Variants in SMYD3 observed in about 807,000 individuals in gnomAD.
SMYD3 encodes SET and MYND domain containing 3.
SMYD3 carries 36 observed loss-of-function variants against 57.7 expected under a neutral mutation model. The observed-to-expected ratio is 0.62, with a 90% CI of 0.48 to 0.82. SMYD3 has a LOEUF of 0.82. SMYD3 is among the 40% of genes least tolerant of loss of function. SMYD3 has a pLI of 0.00. For synonymous variants in SMYD3, 211 were observed against 195.0 expected (o/e 1.08, Z -0.68); for missense variants, 515 against 538.8 (o/e 0.96, Z 0.44).
intron 5 of SMYD3, among the ~76,000 whole-genome samples, chr1:246,064,884 G>A (rs1291547095): frequency 3.3e-5 from 5 of 152,168 alleles, no homozygotes; most frequent in African/African-American, 1.2e-4. Context: ...AATATGTGGT[G>A]GTCTTCCTGT....
At chr1:246,060,551 GA>G (rs1425981898) in intron 5 of SMYD3, among the ~76,000 whole-genome samples, 1 of 151,524 alleles carries the variant, frequency 6.6e-6, no homozygotes, top group Non-Finnish European at 1.5e-5. Flanking sequence ...AGAAAAAGCA[GA>G]AAAGCAATAA....
At chr1:245,814,964 C>T (rs1474791132) in intron 10 of SMYD3, among the ~76,000 whole-genome samples, 1 of 152,144 alleles carries the variant, frequency 6.6e-6, no homozygotes, top group Non-Finnish European at 1.5e-5. Flanking sequence ...ACAAAGACAG[C>T]TGTCCATTGG....
At chr1:245,878,777 C>G (rs1355829210) in intron 8 of SMYD3, among the ~76,000 whole-genome samples, 1 of 152,158 alleles carries the variant, frequency 6.6e-6, no homozygotes, top group Non-Finnish European at 1.5e-5. Context: ...GGGGCCTGAA[C>G]TGCAGGAATA....
chr1:245,920,348 G>A (rs2055829107), intron 7 of SMYD3, among the ~76,000 whole-genome samples: 2 of 142,998 alleles, frequency 1.4e-5, no homozygotes, highest in South Asian at 2.2e-4. Flanking sequence ...AGATGACCAA[G>A]TTAAAATTAG....
intron 5 of SMYD3, among the ~76,000 whole-genome samples, chr1:246,320,476 G>T (rs1186234173): frequency 6.6e-6 from 1 of 152,164 alleles, no homozygotes; most frequent in Non-Finnish European, 1.5e-5. Flanking sequence ...ACATTATAAA[G>T]TTCAGCAGTA....
intron 8 of SMYD3, among the ~76,000 whole-genome samples, chr1:245,873,761 A>C (rs2052345917): frequency 6.6e-6 from 1 of 152,232 alleles, no homozygotes; most frequent in Non-Finnish European, 1.5e-5. Context: ...AGACATTCAG[A>C]CATGGGATGA....
intron 5 of SMYD3, among the ~76,000 whole-genome samples, chr1:246,255,178 G>GT (rs776723099): frequency 1.1e-3 from 160 of 152,188 alleles, no homozygotes; most frequent in Admixed American, 3.0e-3. Flanking sequence ...AATAGGAGTG[G>GT]TAAGAGTGGG....
intron 5 of SMYD3, among the ~76,000 whole-genome samples, chr1:246,038,492 CA>C (rs1482848706): frequency 6.6e-6 from 1 of 152,154 alleles, no homozygotes; most frequent in Non-Finnish European, 1.5e-5. Context: ...TGGTGGGAGC[CA>C]GGACGTACCT....
At chr1:246,186,264 C>A (rs2062638571) in intron 5 of SMYD3, among the ~76,000 whole-genome samples, 1 of 152,122 alleles carries the variant, frequency 6.6e-6, no homozygotes, top group Non-Finnish European at 1.5e-5. Context: ...AATACATAAG[C>A]ATCAGAAATG....
At chr1:246,318,207 A>C (rs1269066401) in intron 5 of SMYD3, among the ~76,000 whole-genome samples, 1 of 152,128 alleles carries the variant, frequency 6.6e-6, no homozygotes, top group African/African-American at 2.4e-5. Flanking sequence ...ACATAGCAAG[A>C]CCTTGTCTCT....
intron 10 of SMYD3, among the ~76,000 whole-genome samples, chr1:245,771,503 G>A (rs2046334820): frequency 6.6e-6 from 1 of 152,178 alleles, no homozygotes; most frequent in African/African-American, 2.4e-5. Flanking sequence ...GAAATAAAAT[G>A]ATACATTCAA....
chr1:245,820,494 G>A (rs2049101572), intron 10 of SMYD3, among the ~76,000 whole-genome samples: 1 of 148,592 alleles, frequency 6.7e-6, no homozygotes, highest in Non-Finnish European at 1.5e-5. Flanking sequence ...ACAAGACAGG[G>A]ATGCCCTCTC....
intron 10 of SMYD3, among the ~76,000 whole-genome samples, chr1:245,775,421 T>C (rs931010908): frequency 1.3e-5 from 2 of 151,954 alleles, no homozygotes; most frequent in Non-Finnish European, 2.9e-5. Flanking sequence ...CCCCCAACCC[T>C]GTGCTCTCTG....
At chr1:246,374,465 A>T (rs2879856) in intron 1 of SMYD3, among the ~76,000 whole-genome samples, 142,936 of 152,206 alleles carry the variant, frequency 0.94, 67,158 homozygotes, top group East Asian at 1. Context: ...CTTTTTGCAG[A>T]CCACTTGGTG....
chr1:246,155,774 G>A (rs1341944372), intron 5 of SMYD3, among the ~76,000 whole-genome samples: 1 of 152,118 alleles, frequency 6.6e-6, no homozygotes, highest in Non-Finnish European at 1.5e-5. Context: ...GAGGTCAGGA[G>A]TTCGAGACCA....
chr1:246,394,398 A>G (rs898817164), intron 1 of SMYD3, among the ~76,000 whole-genome samples: 2 of 152,214 alleles, frequency 1.3e-5, no homozygotes, highest in Non-Finnish European at 2.9e-5. Flanking sequence ...CTGCACACAC[A>G]AGATCCTGAT....
chr1:245,847,207 G>A (rs2050711583), intron 10 of SMYD3, among the ~76,000 whole-genome samples: 1 of 152,184 alleles, frequency 6.6e-6, no homozygotes, highest in Non-Finnish European at 1.5e-5. Flanking sequence ...CTAAATAACT[G>A]TAATTTTGGG....
chr1:246,094,906 T>A (rs1295267239), intron 5 of SMYD3, among the ~76,000 whole-genome samples: 2 of 152,190 alleles, frequency 1.3e-5, no homozygotes, highest in East Asian at 1.9e-4. Context: ...TGCCATTCCC[T>A]CCCTCCATGG....
At chr1:246,107,647 T>C (rs755076885) in intron 5 of SMYD3, among the ~76,000 whole-genome samples, 2 of 152,208 alleles carry the variant, frequency 1.3e-5, no homozygotes, top group Admixed American at 1.3e-4. Context: ...ACTTGTCTCT[T>C]TAGACAAAAA....
Sources: allele counts gnomAD v4.1 joint callset (sites outside exome capture counted in the v4.1 genomes callset), GRCh38; gene constraint gnomAD v4.1.1; transcripts MANE v1.5; gene names NCBI Gene and HGNC (gene_info 2026-07-23, HGNC 2026-07-21).